Variants in FSIP2 observed in about 807,000 individuals in gnomAD.
The protein encoded by FSIP2 is fibrous sheath-interacting protein 2.
Under a neutral mutation model 510.5 loss-of-function variants are expected in FSIP2, and 367 were observed. That is an observed-to-expected ratio of 0.72 (90% CI 0.66 to 0.78). The LOEUF (loss-of-function observed/expected upper bound fraction) is 0.78, where lower values mean the gene tolerates loss of function less well. Ranked by LOEUF, FSIP2 falls within the 30% of genes least tolerant of loss-of-function variation. The probability of loss-of-function intolerance (pLI) is 0.00; values close to 1 mark genes in which losing one functional copy is unlikely to be tolerated. For synonymous variants in FSIP2, 2,601 were observed against 2,732.2 expected, an observed-to-expected ratio of 0.95 and a Z score of 1.50; for missense variants, 7,594 against 7,901.7, an observed-to-expected ratio of 0.96 and a Z score of 1.48.
chr2:185,778,515 A>C (rs1240866536), intron 13 of FSIP2, among the ~76,000 whole-genome samples: 2 of 151,866 alleles, frequency 1.3e-5, no homozygotes, highest in Non-Finnish European at 2.9e-5. Context: ...TTAGTTGTTA[A>C]ATTTTGTGCT....
intron 2 of FSIP2, chr2:185,740,233 C>T (rs574652923): frequency 6.6e-6 from 1 of 152,252 alleles, no homozygotes; most frequent in East Asian, 1.9e-4. Context: ...TGTGATAGCC[C>T]CCCCGTTAGC....
Position 185,779,604 on chromosome 2 carries a change from T to A in FSIP2, c.1412-3101T>A, listed in dbSNP as rs1258890842. ...ATTTACTTCTAATCATAACTTTATA[T>A]CATACTTATTATTGTCCAATAGTTT... On this transcript the variant is annotated intron_variant, in intron 13 of 22. Coordinates refer to ENST00000424728, the MANE Select transcript of FSIP2 (RefSeq NM_173651.4). Among the ~76,000 whole-genome samples, 4 of 152,138 alleles carry A rather than the reference T, an allele frequency of 2.6e-5. 1 individual carries two copies. Among genetic ancestry groups the A allele is most frequent in the Non-Finnish European group, 5.9e-5 (4 of 67,992 alleles).
Position 185,793,854 on chromosome 2 carries a change from A to G in FSIP2, c.6718A>G (p.Lys2240Glu). Residue 2240 changes from lysine (K) to glutamate (E), a missense_variant, in exon 16 of 23, where the codon AAA (lysine) becomes GAA (glutamate). Coordinates refer to ENST00000424728, the MANE Select transcript of FSIP2 (RefSeq NM_173651.4). ...ITVVEKEDTQ[K>E]SATDSCEENA... is the part of the protein sequence containing the mutation. ...TGTAGTAGAGAAAGAAGACACTCAG[A>G]AATCTGCTACTGACTCATGTGAGGA... The G allele has an allele frequency of 6.5e-7, 1 of 1,531,936 alleles. No individual in the cohort carries two copies. Among genetic ancestry groups the G allele is most frequent in the East Asian group, 2.4e-5 (1 of 40,834 alleles). The allele number at this position is 1,531,936 out of a possible 1,614,324, so 94.9% of individuals were successfully genotyped here.
At position 185,805,622 on chromosome 2, in the gene FSIP2, T is replaced by C; in HGVS notation, c.16316T>C (p.Leu5439Pro). ...QISRCAKENQLSLPDQSYKDT... is the reference protein window; with the variant it reads ...QISRCAKENQPSLPDQSYKDT... Reference sequence around the variant, plus strand: ...AGCAGATGTGCAAAAGAGAACCAACTTTCTTTACCAGATCAATCATATAAA... The same window carrying C: ...AGCAGATGTGCAAAAGAGAACCAACCTTCTTTACCAGATCAATCATATAAA... Residue 5439 changes from leucine to proline, a missense_variant, in exon 17 of 23, where the codon CTT (leucine) becomes CCT (proline). By Grantham distance (98) the Leu-to-Pro change is moderately conservative (BLOSUM62 -3). Transcript: ENST00000424728. 1.2e-6 allele frequency: 2 copies of C among 1,609,062 alleles called. No individual in the cohort carries two copies. Among genetic ancestry groups the C allele is most frequent in the Non-Finnish European group, 1.7e-6 (2 of 1,177,942 alleles).
Position 185,796,156 on chromosome 2 carries a change from A to C in FSIP2, c.9020A>C (p.Gln3007Pro). 1 of 1,533,462 alleles carries C rather than the reference A, an allele frequency of 6.5e-7. No individual in the cohort carries two copies. Among genetic ancestry groups the C allele is most frequent in the South Asian group, 1.2e-5 (1 of 83,846 alleles). The allele number at this position is 1,533,462 out of a possible 1,614,324, so 95.0% of individuals were successfully genotyped here. A position where few individuals can be genotyped will look rare whatever the true frequency, so the allele number is the denominator to read the frequency against. ...ATGTTAGAGTCATTTGTGGACTTGC[A>C]GTTTAAACATATCTCCAAATATGAG... ...LNMLESFVDL[Q>P]FKHISKYEFS... The change falls in exon 16 of 23, where the codon CAG becomes CCG. Residue 3007 changes from glutamine (Q) to proline (P), a missense_variant. Coordinates refer to ENST00000424728, the MANE Select transcript of FSIP2 (RefSeq NM_173651.4).
At chr2:185,767,085 G>A (rs1353324147) in intron 13 of FSIP2, among the ~76,000 whole-genome samples, 9 of 136,320 alleles carry the variant, frequency 6.6e-5, no homozygotes, top group East Asian at 6.3e-4. Context: ...ACCAAACACC[G>A]CATATTCTCA....
At position 185,813,843 on chromosome 2, in the gene FSIP2, T is replaced by G; in HGVS notation, c.20126T>G (p.Leu6709Arg). 1 of 1,613,634 alleles carries G rather than the reference T, an allele frequency of 6.2e-7. No individual in the cohort carries two copies. The highest frequency in any genetic ancestry group is 8.5e-7 in the Non-Finnish European group (1 of 1,179,770). Residue 6709 changes from leucine (L) to arginine (R), a missense_variant, in exon 18 of 23, where the codon CTG becomes CGG. Leu to Arg is a moderately radical substitution (Grantham distance 102, BLOSUM62 -2). Transcript: ENST00000424728. ...AAGTCAACACTAAGCACGAGCAGCC[T>G]GAAAAAATTTTTGTCACTAAGTAAA... is the stretch of plus-strand genomic sequence containing the variant. Reference protein sequence around the residue: ...SPKSTLSTSSLKKFLSLSKCC... With the variant: ...SPKSTLSTSSRKKFLSLSKCC...
intron 13 of FSIP2, among the ~76,000 whole-genome samples, chr2:185,768,272 C>A (rs1692537061): frequency 6.6e-6 from 1 of 152,084 alleles, no homozygotes; most frequent in South Asian, 2.1e-4. Context: ...TAACTTGATG[C>A]AATCTCATTT....
At chr2:185,755,565 C>T (rs1055596852) in intron 8 of FSIP2, among the ~76,000 whole-genome samples, 1 of 151,506 alleles carries the variant, frequency 6.6e-6, no homozygotes, top group African/African-American at 2.4e-5. Context: ...AATTATACCA[C>T]TATGGTAATG....
chr2:185,780,021 C>T (rs1276075639), intron 13 of FSIP2, among the ~76,000 whole-genome samples: 3 of 149,002 alleles, frequency 2.0e-5, no homozygotes, highest in Admixed American at 6.7e-5. Flanking sequence ...TGCAGTGAGC[C>T]GAGAGCGTGC....
chr2:185,738,197 G>T, upstream of FSIP2: 2 of 215,420 alleles, frequency 9.3e-6, no homozygotes, highest in Non-Finnish European at 1.9e-5. Flanking sequence ...GCTGTGTCCT[G>T]CCCAGTGCTT....
At chr2:185,782,673 A>G in intron 13 of FSIP2, 32 bp from the exon 14 acceptor site, 2 of 1,352,504 alleles carry the variant, frequency 1.5e-6, no homozygotes, top group Non-Finnish European at 2.0e-6. Flanking sequence ...GGATGGATAC[A>G]AACTATGTAA....
Position 185,804,906 on chromosome 2 carries a change from A to C in FSIP2, c.15600A>C (p.Lys5200Asn). 1 of 1,524,348 alleles carries C rather than the reference A, an allele frequency of 6.6e-7. No individual in the cohort carries two copies. The highest frequency in any genetic ancestry group is 8.8e-7 in the Non-Finnish European group (1 of 1,142,420). The allele number at this position is 1,524,348 out of a possible 1,614,324, so 94.4% of individuals were successfully genotyped here. ...ACTCCATATGTAATAATATTTTGAAAACATCTGAATTCCAAGCTGAAGTAC... is the reference window on the plus strand; with the variant it reads ...ACTCCATATGTAATAATATTTTGAACACATCTGAATTCCAAGCTGAAGTAC... ...LVDSICNNIL[K>N]TSEFQAEVQK... Residue 5200 changes from lysine to asparagine, a missense_variant, in exon 17 of 23, where the codon AAA (lysine) becomes AAC (asparagine). Lys to Asn is a moderately conservative substitution (Grantham distance 94). Transcript: ENST00000424728.
Position 185,801,058 on chromosome 2 carries a change from A to C in FSIP2, c.11752A>C (p.Asn3918His). 1 of 1,532,502 alleles carries C rather than the reference A, an allele frequency of 6.5e-7. No homozygotes were observed. Among genetic ancestry groups the C allele is most frequent in the East Asian group, 2.4e-5 (1 of 40,822 alleles). The allele number at this position is 1,532,502 out of a possible 1,614,324, so 94.9% of individuals were successfully genotyped here. Reference protein sequence around the residue: ...DSNSLTVSLNNPSVVSSKIQA... With the variant: ...DSNSLTVSLNHPSVVSSKIQA... ...TAATTCTTTGACAGTATCCCTGAATAATCCCAGTGTGGTTAGCTCCAAAAT... is the reference window on the plus strand; with the variant it reads ...TAATTCTTTGACAGTATCCCTGAATCATCCCAGTGTGGTTAGCTCCAAAAT... The change falls in exon 17 of 23, where the codon AAT (asparagine) becomes CAT (histidine). Residue 3918 changes from asparagine (N) to histidine (H), a missense_variant. Asn to His is a moderately conservative substitution (Grantham distance 68). Transcript: ENST00000424728.
Position 185,796,252 on chromosome 2 carries a change from TG to T in FSIP2, c.9117del (p.Met3039IlefsTer8). 6.5e-7 allele frequency: 1 copy of T among 1,531,026 alleles called. No individual in the cohort carries two copies. Among genetic ancestry groups the T allele is most frequent in the South Asian group, 1.2e-5 (1 of 82,906 alleles). The allele number at this position is 1,531,026 out of a possible 1,614,324, so 94.8% of individuals were successfully genotyped here. ...CAACAGAAACTGTTAAACAAAAAAATGTTGCCAAAATTACAACCACTGAAAA... is the reference window on the plus strand; with the variant it reads ...CAACAGAAACTGTTAAACAAAAAAATTTGCCAAAATTACAACCACTGAAAA... ...SIQQKLLNKK[M>X]LPKLQPLKMF... On this transcript the variant is annotated frameshift_variant, in exon 16 of 23. Transcript: ENST00000424728. LOFTEE classifies it high-confidence loss of function.
intron 2 of FSIP2, among the ~76,000 whole-genome samples, chr2:185,741,046 G>C (rs1437154884): frequency 6.6e-6 from 1 of 151,950 alleles, no homozygotes; most frequent in Non-Finnish European, 1.5e-5. Context: ...CACAACTTGA[G>C]TCACATCCAC....
At chr2:185,771,466 G>A (rs997644595) in intron 13 of FSIP2, among the ~76,000 whole-genome samples, 1 of 152,188 alleles carries the variant, frequency 6.6e-6, no homozygotes, top group Non-Finnish European at 1.5e-5. Context: ...ACCTGACAAG[G>A]CTTATGCCTT....
rs577071287 is a variant in FSIP2, at chr2:185,747,181, A to G, written c.760-132A>G. 2.3e-5 allele frequency: 13 copies of G among 573,942 alleles called. No individual in the cohort carries two copies. The East Asian group carries it at 3.1e-4, about 14-fold the overall frequency. The allele number at this position is 573,942 out of a possible 1,614,324, so 35.6% of individuals were successfully genotyped here. Reference sequence around the variant, plus strand: ...GAAAAGTATATTCTAAACCGAACGTATGCCTTTCATTATGCTTAACCTGAT... The same window carrying G: ...GAAAAGTATATTCTAAACCGAACGTGTGCCTTTCATTATGCTTAACCTGAT... On this transcript the variant is annotated intron_variant, in intron 6 of 22. Coordinates refer to ENST00000424728, the MANE Select transcript of FSIP2 (RefSeq NM_173651.4).
chr2:185,804,577 A>G lies in FSIP2; in HGVS notation c.15271A>G (p.Ile5091Val), dbSNP rs1162225634. The G allele has an allele frequency of 1.3e-6, 2 of 1,532,516 alleles. No homozygotes were observed. The highest frequency in any genetic ancestry group is 1.7e-6 in the Non-Finnish European group (2 of 1,144,774). 94.9% of individuals were successfully genotyped at this position (1,532,516 alleles called of 1,614,324 possible). Residue 5091 changes from isoleucine to valine, a missense_variant, in exon 17 of 23, where the codon ATC (isoleucine) becomes GTC (valine). Physicochemically the swap from Ile to Val is conservative, Grantham distance 29. Coordinates refer to ENST00000424728, the MANE Select transcript of FSIP2 (RefSeq NM_173651.4). ...SSYSYPQADN[I>V]IRNVLNIITK... ...TTATTCGTATCCCCAAGCTGATAAT[A>G]TCATCAGAAATGTGCTTAACATAAT...
Sources: allele counts gnomAD v4.1 joint callset (sites outside exome capture counted in the v4.1 genomes callset), GRCh38; gene constraint gnomAD v4.1.1; transcripts MANE v1.5; gene names NCBI Gene and HGNC (gene_info 2026-07-23, HGNC 2026-07-21).